The following NAV3 variants were observed in gnomAD, a reference collection of about 807,000 sequenced individuals.
NAV3 encodes neuron navigator 3.
A neutral mutation model predicts 244.7 loss-of-function variants in NAV3; 87 were observed. The ratio of observed to expected loss-of-function variants is 0.36; its 90% CI spans 0.30 to 0.42. NAV3 has a LOEUF of 0.42. NAV3 is among the 20% of genes least tolerant of loss of function. The probability of loss-of-function intolerance (pLI) is 1.00; values close to 1 mark genes in which losing one functional copy is unlikely to be tolerated. For missense variants in NAV3, 2,663 were observed against 2,893.3 expected (o/e 0.92, Z 1.83); for synonymous variants, 1,126 against 1,042.2 (o/e 1.08, Z -1.55).
intron 2 of NAV3, among the ~76,000 whole-genome samples, chr12:77,735,721 A>G (rs1220732661): frequency 9.2e-5 from 14 of 152,134 alleles, no homozygotes; most frequent in African/African-American, 3.4e-4. Flanking sequence ...TTAAAATTGG[A>G]TTTTGCAAGG....
chr12:77,641,992 C>T (rs1334791178), intron 2 of NAV3, among the ~76,000 whole-genome samples: 1 of 152,066 alleles, frequency 6.6e-6, no homozygotes, highest in Non-Finnish European at 1.5e-5. Flanking sequence ...GAATCTCAGT[C>T]TTAAATAGAT....
chr12:77,774,371 AC>A (rs1241976623), intron 2 of NAV3, among the ~76,000 whole-genome samples: 8 of 151,980 alleles, frequency 5.3e-5, no homozygotes, highest in African/African-American at 1.9e-4. Context: ...ATCCCTGCCT[AC>A]TTTTCTGTAT....
chr12:77,992,064 A>G (rs904080049), intron 5 of NAV3, among the ~76,000 whole-genome samples: 1 of 152,090 alleles, frequency 6.6e-6, no homozygotes, highest in Non-Finnish European at 1.5e-5. Context: ...TGAATATCAA[A>G]ATTTACTTTG....
chr12:77,641,706 A>G (rs989562411), intron 2 of NAV3, among the ~76,000 whole-genome samples: 2 of 152,080 alleles, frequency 1.3e-5, no homozygotes, highest in Non-Finnish European at 2.9e-5. Flanking sequence ...GGTATTTTCC[A>G]TTATACATAC....
chr12:77,717,177 T>C (rs1247273210), intron 2 of NAV3, among the ~76,000 whole-genome samples: 2 of 152,086 alleles, frequency 1.3e-5, no homozygotes, highest in African/African-American at 4.8e-5. Context: ...AACTGTATGA[T>C]GCAGTACTAT....
chr12:78,121,558 C>G (rs532343710), intron 15 of NAV3, among the ~76,000 whole-genome samples: 6 of 152,076 alleles, frequency 3.9e-5, no homozygotes, highest in African/African-American at 1.4e-4. Context: ...TGTTGTCTAT[C>G]GAATGCGTAG....
chr12:77,950,219 T>C (rs905491327), intron 3 of NAV3, among the ~76,000 whole-genome samples: 2 of 152,142 alleles, frequency 1.3e-5, no homozygotes, highest in Non-Finnish European at 2.9e-5. Flanking sequence ...TGTTTAGTTT[T>C]ATAAGAAACC....
At chr12:77,755,771 T>C (rs1208525286) in intron 2 of NAV3, among the ~76,000 whole-genome samples, 2 of 151,316 alleles carry the variant, frequency 1.3e-5, no homozygotes, top group Non-Finnish European at 2.9e-5. Flanking sequence ...TCTTGCCTTG[T>C]CACTCAGGGT....
chr12:77,640,334 T>C (rs1872353647), intron 2 of NAV3, among the ~76,000 whole-genome samples: 1 of 152,108 alleles, frequency 6.6e-6, no homozygotes, highest in South Asian at 2.1e-4. Context: ...GTAATCATTT[T>C]GCAGAGAAGA....
chr12:77,961,839 C>CAT (rs1892051785), intron 3 of NAV3, among the ~76,000 whole-genome samples: 1 of 150,996 alleles, frequency 6.6e-6, no homozygotes, highest in Admixed American at 6.6e-5. Context: ...CAAACACACA[C>CAT]ATGTAATATG....
At chr12:77,573,829 G>T (rs1868948977) in intron 2 of NAV3, among the ~76,000 whole-genome samples, 1 of 152,144 alleles carries the variant, frequency 6.6e-6, no homozygotes, top group Non-Finnish European at 1.5e-5. Flanking sequence ...GAGTACCTCT[G>T]CAGGTGCTGC....
At chr12:77,606,247 A>G (rs696453) in intron 2 of NAV3, among the ~76,000 whole-genome samples, 8,181 of 152,242 alleles carry the variant, frequency 0.054, 271 homozygotes, top group African/African-American at 0.081. Flanking sequence ...GCTGGGTGAG[A>G]ATATTAGTGT....
intron 2 of NAV3, among the ~76,000 whole-genome samples, chr12:77,706,059 C>A (rs1258524377): frequency 6.6e-6 from 1 of 151,076 alleles, no homozygotes; most frequent in Non-Finnish European, 1.5e-5. Context: ...AAATACAGTT[C>A]TTTTGTAAAG....
intron 18 of NAV3, among the ~76,000 whole-genome samples, chr12:78,136,159 T>G (rs1176404541): frequency 6.6e-6 from 1 of 152,198 alleles, no homozygotes. Context: ...AATTTTGAAG[T>G]GATGTCAGAA....
intron 12 of NAV3, among the ~76,000 whole-genome samples, chr12:78,106,606 C>T (rs1482998305): frequency 2.0e-5 from 3 of 152,146 alleles, no homozygotes; most frequent in African/African-American, 7.2e-5. Context: ...CTGCCAACAC[C>T]AGCATGGACT....
chr12:77,686,762 A>G (rs974827716), intron 2 of NAV3, among the ~76,000 whole-genome samples: 1 of 152,154 alleles, frequency 6.6e-6, no homozygotes, highest in Non-Finnish European at 1.5e-5. Context: ...CTGACTTTAC[A>G]GTACGAGGTC....
intron 3 of NAV3, among the ~76,000 whole-genome samples, chr12:77,948,649 TA>T (rs1194129103): frequency 5.3e-5 from 8 of 151,224 alleles, no homozygotes; most frequent in African/African-American, 1.9e-4. Context: ...TTGGTGTTTT[TA>T]AGGAACTTAT....
At chr12:77,822,136 A>G (rs918257469) in intron 2 of NAV3, among the ~76,000 whole-genome samples, 6 of 152,166 alleles carry the variant, frequency 3.9e-5, no homozygotes, top group Non-Finnish European at 8.8e-5. Flanking sequence ...GACCCTCTGA[A>G]TTTGATAAAT....
chr12:77,630,471 A>C (rs1402939480), intron 2 of NAV3, among the ~76,000 whole-genome samples: 3 of 152,162 alleles, frequency 2.0e-5, no homozygotes, highest in Non-Finnish European at 2.9e-5. Context: ...TACTCTCCAT[A>C]GAATGTATTG....
Sources: allele counts gnomAD v4.1 joint callset (sites outside exome capture counted in the v4.1 genomes callset), GRCh38; gene constraint gnomAD v4.1.1; transcripts MANE v1.5; gene names NCBI Gene and HGNC (gene_info 2026-07-23, HGNC 2026-07-21).